The following ABCA12 variants were observed in gnomAD, a reference collection of about 807,000 sequenced individuals.
ABCA12 encodes glucosylceramide transporter ABCA12.
ABCA12 carries 156 observed loss-of-function variants against 293.5 expected under a neutral mutation model. The ratio of observed to expected loss-of-function variants is 0.53; its 90% CI spans 0.47 to 0.61. ABCA12 has a LOEUF of 0.61. Among genes scored for constraint, ABCA12 ranks in the 20% least tolerant of loss-of-function variants. The pLI is 0.00. For missense variants in ABCA12, 2,797 were observed against 3,090.2 expected, an observed-to-expected ratio of 0.91 and a Z score of 2.25; for synonymous variants, 1,063 against 1,108.0, an observed-to-expected ratio of 0.96 and a Z score of 0.81.
chr2:214,935,496 A>G (rs1256390243), intron 51 of ABCA12, among the ~76,000 whole-genome samples: 11 of 152,180 alleles, frequency 7.2e-5, no homozygotes, highest in Admixed American at 7.2e-4. Flanking sequence ...ATGAGCTTTG[A>G]TAAGAATCCT....
intron 34 of ABCA12, 133 bp downstream of exon 34, chr2:214,975,652 A>C (rs1180260390): frequency 7.9e-7 from 1 of 1,262,782 alleles, no homozygotes; most frequent in African/African-American, 1.5e-5. Flanking sequence ...CAAACTGTTC[A>C]TTCCTTTAGC....
Position 214,982,265 on chromosome 2 carries a change from T to C in ABCA12, c.4501A>G (p.Ile1501Val). The change falls in exon 30 of 53, where the codon ATT (isoleucine) becomes GTT (valine). Residue 1501 changes from isoleucine to valine, a missense_variant. Ile to Val is a conservative substitution (Grantham distance 29). Transcript: ENST00000272895. ...IALIGGSRVV[I>V]LDEPSTGVDP... ...ACTCCAGTAGATGGTTCATCCAAAA[T>C]TACTACCCTTGATCCACCAATGAGA... The C allele has an allele frequency of 6.2e-7, 1 of 1,614,062 alleles. No individual in the cohort carries two copies. The highest frequency in any genetic ancestry group is 8.5e-7 in the Non-Finnish European group (1 of 1,179,982).
At chr2:214,984,025 T>A (rs1293841062) in intron 28 of ABCA12, among the ~76,000 whole-genome samples, 160 bp from the exon 29 acceptor site, 1 of 152,074 alleles carries the variant, frequency 6.6e-6, no homozygotes. Flanking sequence ...TAAGAAATAT[T>A]ACTTTTAAGT....
At chr2:214,933,756 T>G (rs1344911658) in intron 52 of ABCA12, among the ~76,000 whole-genome samples, 1 of 152,182 alleles carries the variant, frequency 6.6e-6, no homozygotes, top group African/African-American at 2.4e-5. Flanking sequence ...TTAAGAAACC[T>G]ACCATGGAAG....
At chr2:214,973,521 C>T (rs898535982) in intron 36 of ABCA12, among the ~76,000 whole-genome samples, 42 of 151,954 alleles carry the variant, frequency 2.8e-4, no homozygotes, top group African/African-American at 9.9e-4. Flanking sequence ...TTCCTGAAGC[C>T]TGGAGGTGTT....
At chr2:214,969,688 T>C (rs549357915) in intron 37 of ABCA12, among the ~76,000 whole-genome samples, 3 of 152,208 alleles carry the variant, frequency 2.0e-5, no homozygotes, top group Non-Finnish European at 4.4e-5. Context: ...TTTTTCTTCT[T>C]TTTGCTTATC....
chr2:214,941,719 C>A (rs1475830118), intron 50 of ABCA12, among the ~76,000 whole-genome samples: 1 of 149,316 alleles, frequency 6.7e-6, no homozygotes, highest in African/African-American at 2.4e-5. Context: ...TTCTTTGTCT[C>A]TTTTGATCTT....
rs752127267 is a variant in ABCA12 at position 215,000,820 on chromosome 2, T to C, written c.3064A>G (p.Ile1022Val). The C allele has an allele frequency of 4.3e-6, 7 of 1,614,124 alleles. No homozygotes were observed. The highest frequency in any genetic ancestry group is 5.9e-6 in the Non-Finnish European group (7 of 1,179,994). Residue 1022 changes from isoleucine (I) to valine (V), a missense_variant, in exon 22 of 53, where the codon ATT (isoleucine) becomes GTT (valine). By Grantham distance (29) the Ile-to-Val change is conservative. Coordinates refer to ENST00000272895, the MANE Select transcript of ABCA12 (RefSeq NM_173076.3). ...SHNQIYGRAF[I>V]YLQDSIERAI... ...CTTTCAATACTATCCTGTAAATAAA[T>C]AAAAGCCCTGCCATAGATCTGGTTG...
intron 2 of ABCA12, among the ~76,000 whole-genome samples, chr2:215,097,584 C>A (rs751662382): frequency 1.3e-5 from 2 of 152,096 alleles, no homozygotes; most frequent in African/African-American, 4.8e-5. Flanking sequence ...ACTGGAATCA[C>A]GGCTGTAATA....
intron 24 of ABCA12, among the ~76,000 whole-genome samples, chr2:214,989,969 C>A (rs969428647): frequency 3.9e-5 from 6 of 151,932 alleles, no homozygotes; most frequent in Non-Finnish European, 8.8e-5. Context: ...TGTTAAGGGC[C>A]AGAAGGCATT....
chr2:215,123,470 G>A (rs969740654), intron 1 of ABCA12, among the ~76,000 whole-genome samples: 32 of 152,090 alleles, frequency 2.1e-4, no homozygotes, highest in African/African-American at 5.6e-4. Context: ...TGCACCTGGC[G>A]TCCCACATTT....
Position 214,970,400 on chromosome 2 carries a change from C to G in ABCA12, c.5563G>C (p.Glu1855Gln), listed in dbSNP as rs752516308. The G allele has an allele frequency of 6.8e-6, 11 of 1,612,966 alleles. No individual in the cohort carries two copies. The highest frequency in any genetic ancestry group is 9.3e-6 in the Non-Finnish European group (11 of 1,179,290). ...GVCSCSENVQ[E>Q]CPKFNYSPPH... ...GGGGAATAGTTAAATTTAGGACATT[C>G]CTGGAAAATAAAGTTAAAAATGAAT... Residue 1855 changes from glutamate to glutamine, a missense_variant and splice_region_variant, in exon 37 of 53, where the codon GAA becomes CAA. Coordinates refer to ENST00000272895, the MANE Select transcript of ABCA12 (RefSeq NM_173076.3).
intron 19 of ABCA12, 133 bp from the exon 20 acceptor site, chr2:215,004,432 A>C: frequency 1.5e-6 from 1 of 678,552 alleles, no homozygotes; most frequent in Non-Finnish European, 2.6e-6. Context: ...GCAAAGGCTC[A>C]CAGAGAAATC....
chr2:214,987,294 A>T (rs1699809133), intron 27 of ABCA12, among the ~76,000 whole-genome samples: 1 of 152,138 alleles, frequency 6.6e-6, no homozygotes, highest in Admixed American at 6.5e-5. Flanking sequence ...ATGCTAAATT[A>T]CTCAAACTTG....
intron 5 of ABCA12, 83 bp downstream of exon 5, chr2:215,052,404 T>C: frequency 4.3e-6 from 5 of 1,160,610 alleles, no homozygotes; most frequent in East Asian, 2.5e-5. Context: ...GCTCCAAACA[T>C]CTTGCTATTT....
intron 23 of ABCA12, among the ~76,000 whole-genome samples, chr2:214,996,240 G>C (rs952484448): frequency 6.6e-6 from 1 of 152,162 alleles, no homozygotes; most frequent in Non-Finnish European, 1.5e-5. Context: ...GATGCATTCA[G>C]AGAGCATCAT....
intron 2 of ABCA12, among the ~76,000 whole-genome samples, chr2:215,065,286 G>T (rs564960226): frequency 1.7e-5 from 1 of 59,800 alleles, no homozygotes; most frequent in African/African-American, 6.6e-5. Context: ...TTTAATCTCC[G>T]CATGAATGTG....
intron 8 of ABCA12, among the ~76,000 whole-genome samples, chr2:215,034,458 C>T (rs373992595): frequency 4.6e-5 from 7 of 152,306 alleles, no homozygotes; most frequent in Admixed American, 1.3e-4. Flanking sequence ...TAGCATATGG[C>T]TTCCCACAGA....
chr2:214,959,393 T>C (rs1699050070), intron 39 of ABCA12, among the ~76,000 whole-genome samples: 1 of 152,110 alleles, frequency 6.6e-6, no homozygotes, highest in Non-Finnish European at 1.5e-5. Flanking sequence ...TTTTTTTCCT[T>C]CTATCTGGTC....
Sources: gnomAD v4.1 joint callset for allele counts (sites outside exome capture counted in the v4.1 genomes callset) on GRCh38, gnomAD v4.1.1 for gene constraint, MANE v1.5 for transcripts, NCBI Gene and HGNC (gene_info 2026-07-23, HGNC 2026-07-21) for gene names.